The following COG5 variants were observed in gnomAD, a reference collection of about 807,000 sequenced individuals.
COG5 encodes the protein conserved oligomeric Golgi complex subunit 5.
Under a neutral mutation model 110.4 loss-of-function variants are expected in COG5, and 86 were observed. The ratio of observed to expected loss-of-function variants is 0.78; its 90% CI spans 0.65 to 0.93. The LOEUF is 0.93. Among genes scored for constraint, COG5 ranks in the 40% least tolerant of loss-of-function variants. The pLI is 0.00. For missense variants in COG5, 1,077 were observed against 987.0 expected, an observed-to-expected ratio of 1.09 and a Z score of -1.22; for synonymous variants, 360 against 334.6, an observed-to-expected ratio of 1.08 and a Z score of -0.83.
intron 6 of COG5, among the ~76,000 whole-genome samples, chr7:107,456,699 T>C (rs1464620947): frequency 1.3e-5 from 2 of 152,120 alleles, no homozygotes; most frequent in Non-Finnish European, 2.9e-5. Flanking sequence ...TATTAAGTTA[T>C]AAATGTACAC....
At chr7:107,387,751 C>G (rs1439401953) in intron 7 of COG5, among the ~76,000 whole-genome samples, 1 of 152,218 alleles carries the variant, frequency 6.6e-6, no homozygotes, top group African/African-American at 2.4e-5. Context: ...TACTAGCACT[C>G]AGAGAGCTGA....
intron 21 of COG5, among the ~76,000 whole-genome samples, chr7:107,205,238 C>A (rs1484262839): frequency 6.6e-6 from 1 of 152,202 alleles, no homozygotes; most frequent in African/African-American, 2.4e-5. Context: ...GTATCAACAG[C>A]CTTGACTTAG....
At chr7:107,508,042 G>C (rs181784933) in intron 6 of COG5, among the ~76,000 whole-genome samples, 10 of 152,306 alleles carry the variant, frequency 6.6e-5, no homozygotes, top group Admixed American at 2.0e-4. Context: ...CAAGACAGTG[G>C]GTGCAACGCA....
At chr7:107,399,918 G>A (rs533678304) in intron 7 of COG5, among the ~76,000 whole-genome samples, 3 of 152,164 alleles carry the variant, frequency 2.0e-5, no homozygotes, top group Non-Finnish European at 2.9e-5. Flanking sequence ...AACATCAAAT[G>A]TTGGCAACAA....
chr7:107,281,503 T>C, intron 13 of COG5, 104 bp from the exon 14 acceptor site: 1 of 845,162 alleles, frequency 1.2e-6, no homozygotes, highest in South Asian at 1.4e-5. Context: ...GGTTATTCTT[T>C]TTATAGATTT....
chr7:107,253,731 T>A (rs1416486832), intron 16 of COG5, among the ~76,000 whole-genome samples: 1 of 152,170 alleles, frequency 6.6e-6, no homozygotes, highest in Non-Finnish European at 1.5e-5. Flanking sequence ...ACTTCACTCC[T>A]GCTCCTTTAC....
intron 10 of COG5, among the ~76,000 whole-genome samples, chr7:107,357,551 T>C (rs1441555387): frequency 6.6e-6 from 1 of 152,206 alleles, no homozygotes; most frequent in Non-Finnish European, 1.5e-5. Context: ...AATGGTTTTA[T>C]TTTAATGAGA....
In COG5 at chr7:107,434,691, C is replaced by T. The variant is rs534853477; in HGVS notation, c.539-22059G>A. 5.9e-5 allele frequency among the ~76,000 whole-genome samples: 9 copies of T among 152,254 alleles called. No homozygotes were observed. In the South Asian group the frequency reaches 1.0e-3, roughly 18 times the overall value. On this transcript the variant is annotated intron_variant, in intron 6 of 21. Transcript: ENST00000297135. ...TAGCCTTAAAAATGAACAAAATTGG[C>T]TGGGCGCGGTGGCTCACGCCTGTAA...
chr7:107,298,642 A>G (rs944522008), intron 11 of COG5, among the ~76,000 whole-genome samples: 3 of 152,234 alleles, frequency 2.0e-5, no homozygotes, highest in Non-Finnish European at 4.4e-5. Context: ...ATAAGTACAC[A>G]GAAAATCGGG....
At chr7:107,562,729 T>C (rs543970428) in intron 1 of COG5, among the ~76,000 whole-genome samples, 1 of 152,230 alleles carries the variant, frequency 6.6e-6, no homozygotes, top group Non-Finnish European at 1.5e-5. Flanking sequence ...CAAAAGTACA[T>C]AAATTATCAT....
rs1424057922 is a variant in COG5, at chr7:107,519,896, TAA to T, written c.538+7339_538+7340del. Among the ~76,000 whole-genome samples, 8 of 152,302 alleles carry T rather than the reference TAA, an allele frequency of 5.3e-5. No homozygotes were observed. In the East Asian group the frequency reaches 1.5e-3, roughly 29 times the overall value. ...TGAACATCGATGTGAAAATCCTCAA[TAA>T]AATACTGGCAAACCGAATCCAGCAG... On this transcript the variant is annotated intron_variant, in intron 6 of 21. Coordinates refer to ENST00000297135, the MANE Select transcript of COG5 (RefSeq NM_006348.5).
intron 5 of COG5, among the ~76,000 whole-genome samples, chr7:107,531,718 G>T (rs1489775470): frequency 1.3e-5 from 2 of 148,320 alleles, no homozygotes; most frequent in African/African-American, 2.5e-5. Flanking sequence ...AACATAATAA[G>T]GGATGCCCAA....
Position 107,271,061 on chromosome 7 carries a change from C to T in COG5, c.1575+10239G>A, listed in dbSNP as rs370902140. Among the ~76,000 whole-genome samples, 5 of 151,820 alleles carry T rather than the reference C, an allele frequency of 3.3e-5. No homozygotes were observed. The East Asian group carries it at 5.8e-4, about 18-fold the overall frequency. On this transcript the variant is annotated intron_variant, in intron 14 of 21. Coordinates refer to ENST00000297135, the MANE Select transcript of COG5 (RefSeq NM_006348.5). ...AGTCTTCTTATGTAGTAGAGCAAATCGCTCTGCATTGTTCCTCTTCTTAAA... is the reference window on the plus strand; with the variant it reads ...AGTCTTCTTATGTAGTAGAGCAAATTGCTCTGCATTGTTCCTCTTCTTAAA...
chr7:107,499,408 AT>A (rs35466632), intron 6 of COG5, among the ~76,000 whole-genome samples: 245 of 145,670 alleles, frequency 1.7e-3, no homozygotes, highest in South Asian at 7.0e-3. Context: ...AGAGGAGTAA[AT>A]TTTTTTTTTT....
intron 16 of COG5, among the ~76,000 whole-genome samples, chr7:107,254,552 C>G (rs974023525): frequency 3.3e-5 from 5 of 152,034 alleles, no homozygotes; most frequent in African/African-American, 9.7e-5. Flanking sequence ...TTATCGAGTT[C>G]GAAAAGGCAA....
At chr7:107,518,453 G>A (rs1040934744) in intron 6 of COG5, among the ~76,000 whole-genome samples, 6 of 151,978 alleles carry the variant, frequency 3.9e-5, no homozygotes, top group African/African-American at 1.5e-4. Flanking sequence ...CAAAATAAGA[G>A]GATAGATGAA....
chr7:107,453,037 G>T (rs1795435386), intron 6 of COG5, among the ~76,000 whole-genome samples: 1 of 152,134 alleles, frequency 6.6e-6, no homozygotes, highest in Admixed American at 6.6e-5. Flanking sequence ...GTATTCATCT[G>T]CATCTTTTAC....
chr7:107,358,799 G>T (rs1020954034), intron 10 of COG5, among the ~76,000 whole-genome samples: 4 of 152,008 alleles, frequency 2.6e-5, no homozygotes, highest in Non-Finnish European at 4.4e-5. Flanking sequence ...AGCACTTTTT[G>T]CATGCTGTCA....
rs555009526 is a variant in COG5, at chr7:107,489,883, C to T, written c.538+37354G>A. ...AACGCTATGTAATCTTATTCTGATT[C>T]TCTTTGCCCATCTGCAAAATGATAG... On this transcript the variant is annotated intron_variant, in intron 6 of 21. Transcript: ENST00000297135. 5.9e-5 allele frequency among the ~76,000 whole-genome samples: 9 copies of T among 152,222 alleles called. No homozygotes were observed. The South Asian group carries it at 1.9e-3, about 32-fold the overall frequency.
Sources: gnomAD v4.1 joint callset for allele counts (sites outside exome capture counted in the v4.1 genomes callset) on GRCh38, gnomAD v4.1.1 for gene constraint, MANE v1.5 for transcripts, NCBI Gene and HGNC (gene_info 2026-07-23, HGNC 2026-07-21) for gene names.